Variants in CALN1 observed in about 807,000 individuals in gnomAD.
CALN1 encodes the protein calneuron 1.
Under a neutral mutation model 30.6 loss-of-function variants are expected in CALN1, and 17 were observed. The ratio of observed to expected loss-of-function variants is 0.56; its 90% confidence interval spans 0.38 to 0.83. CALN1 has a LOEUF of 0.83. Ranked by LOEUF, CALN1 falls within the 40% of genes least tolerant of loss-of-function variation. The pLI is 0.00. For synonymous variants in CALN1, 156 were observed against 131.4 expected, an observed-to-expected ratio of 1.19 and a Z score of -1.28; for missense variants, 291 against 354.9, an observed-to-expected ratio of 0.82 and a Z score of 1.45.
At chr7:72,349,419 T>G (rs777849525) in intron 2 of CALN1, among the ~76,000 whole-genome samples, 36 of 151,778 alleles carry the variant, frequency 2.4e-4, no homozygotes, top group Non-Finnish European at 4.4e-4. Flanking sequence ...ATGACAGAAT[T>G]TACTGCAAGA....
intron 4 of CALN1, among the ~76,000 whole-genome samples, chr7:72,098,762 GCGCACACACA>G (rs1278123623): frequency 3.5e-5 from 4 of 115,382 alleles, no homozygotes; most frequent in African/African-American, 1.4e-4. Context: ...CCCATTTGGC[GCGCACACACA>G]CACACACACA....
chr7:72,428,389 A>T (rs533705559), intron 1 of CALN1, among the ~76,000 whole-genome samples: 238 of 146,668 alleles, frequency 1.6e-3, no homozygotes, highest in African/African-American at 5.8e-3. Context: ...TTTTTATTTT[A>T]TTTTATTATT....
chr7:71,959,535 T>G (rs1797131196), intron 5 of CALN1, among the ~76,000 whole-genome samples: 1 of 152,096 alleles, frequency 6.6e-6, no homozygotes, highest in Admixed American at 6.5e-5. Context: ...GTTCTCCTGA[T>G]GAGTTTTAAC....
At chr7:71,879,697 T>C (rs1291328376) in intron 5 of CALN1, among the ~76,000 whole-genome samples, 2 of 152,112 alleles carry the variant, frequency 1.3e-5, no homozygotes, top group African/African-American at 4.8e-5. Context: ...TCAGCATCTT[T>C]CTAAAGCAAA....
intron 3 of CALN1, among the ~76,000 whole-genome samples, chr7:72,181,286 T>C (rs1789787271): frequency 1.3e-5 from 2 of 149,196 alleles, no homozygotes; most frequent in African/African-American, 4.9e-5. Context: ...ATACAATATA[T>C]AAAATATGTA....
chr7:72,268,556 AAC>A (rs1205001017), intron 3 of CALN1, among the ~76,000 whole-genome samples: 4 of 152,190 alleles, frequency 2.6e-5, no homozygotes, highest in Non-Finnish European at 5.9e-5. Flanking sequence ...CTATAATCCC[AAC>A]ACTTTGGGAG....
At chr7:72,412,900 C>CT (rs1369266913), upstream of CALN1, among the ~76,000 whole-genome samples, 1 of 152,228 alleles carries the variant, frequency 6.6e-6, no homozygotes, top group Non-Finnish European at 1.5e-5. Context: ...CCAGGCCTGG[C>CT]TTTCCTGGTA....
At chr7:72,136,823 T>C (rs1163263231) in intron 3 of CALN1, among the ~76,000 whole-genome samples, 4 of 152,116 alleles carry the variant, frequency 2.6e-5, no homozygotes, top group Non-Finnish European at 5.9e-5. Context: ...GGGAGACAGA[T>C]AGGGAAGGGC....
At chr7:72,434,554 GGGAAGA>G (rs903335076) in intron 1 of CALN1, among the ~76,000 whole-genome samples, 37 of 150,154 alleles carry the variant, frequency 2.5e-4, no homozygotes, top group Admixed American at 8.0e-4. Context: ...GGAGAAGGAG[GGGAAGA>G]GGAAGAGGAA....
the CALN1 span, among the ~76,000 whole-genome samples, chr7:72,498,631 G>C: frequency 9.2e-5 from 14 of 152,120 alleles, no homozygotes; most frequent in African/African-American, 3.4e-4. Flanking sequence ...GATAAATTCA[G>C]TTGAGATCAT....
intron 2 of CALN1, among the ~76,000 whole-genome samples, chr7:72,327,761 T>C (rs764590158): frequency 2.0e-5 from 3 of 152,214 alleles, no homozygotes; most frequent in Non-Finnish European, 2.9e-5. Context: ...AATTGCTCTA[T>C]TCTTCATAAG....
chr7:72,260,367 C>T (rs1796184346), intron 3 of CALN1, among the ~76,000 whole-genome samples: 1 of 152,168 alleles, frequency 6.6e-6, no homozygotes, highest in Non-Finnish European at 1.5e-5. Flanking sequence ...GATCTGTCTT[C>T]TCTCCAGAAA....
intron 3 of CALN1, among the ~76,000 whole-genome samples, chr7:72,124,196 T>G (rs536126925): frequency 2.0e-5 from 3 of 152,292 alleles, no homozygotes; most frequent in Admixed American, 1.3e-4. Context: ...ATTTGGGGAT[T>G]CTGAAGGTAA....
intron 1 of CALN1, among the ~76,000 whole-genome samples, chr7:72,434,886 C>T (rs2129564150): frequency 6.6e-6 from 1 of 152,294 alleles, no homozygotes; most frequent in East Asian, 1.9e-4. Context: ...CCAGAAATGG[C>T]CCTAGCTGAG....
intron 2 of CALN1, among the ~76,000 whole-genome samples, chr7:72,281,647 T>C (rs1797739602): frequency 6.6e-6 from 1 of 152,180 alleles, no homozygotes; most frequent in Non-Finnish European, 1.5e-5. Context: ...TCTAATTCAC[T>C]TCCTGGAACA....
intron 2 of CALN1, among the ~76,000 whole-genome samples, chr7:72,392,117 G>C (rs1346920599): frequency 2.0e-5 from 3 of 152,174 alleles, no homozygotes; most frequent in Non-Finnish European, 4.4e-5. Context: ...ATACCAAGCT[G>C]TCAGAACACA....
At chr7:72,178,181 T>C (rs374314590) in intron 3 of CALN1, among the ~76,000 whole-genome samples, 1 of 152,160 alleles carries the variant, frequency 6.6e-6, no homozygotes, top group Non-Finnish European at 1.5e-5. Context: ...GGAATAAAAC[T>C]CTGAACAATA....
chr7:72,178,957 T>C (rs941196941), intron 3 of CALN1, among the ~76,000 whole-genome samples: 2 of 152,188 alleles, frequency 1.3e-5, no homozygotes, highest in African/African-American at 4.8e-5. Context: ...TGGCTTACTT[T>C]AAAAGGCTAA....
intron 3 of CALN1, among the ~76,000 whole-genome samples, chr7:72,243,129 G>A (rs1794946762): frequency 6.6e-6 from 1 of 152,174 alleles, no homozygotes; most frequent in South Asian, 2.1e-4. Flanking sequence ...CCTCTGAGAG[G>A]TAATTAGGTT....
Sources: allele counts gnomAD v4.1 joint callset (sites outside exome capture counted in the v4.1 genomes callset), GRCh38; gene constraint gnomAD v4.1.1; transcripts MANE v1.5; gene names NCBI Gene and HGNC (gene_info 2026-07-23, HGNC 2026-07-21).